CYP2R1: variants seen among roughly 807,000 people sequenced by gnomAD.
CYP2R1 encodes cytochrome P450 family 2 subfamily R member 1.
A neutral mutation model predicts 45.7 loss-of-function variants in CYP2R1; 40 were observed. That is an observed-to-expected ratio of 0.87 (90% confidence interval 0.68 to 1.14). The LOEUF (loss-of-function observed/expected upper bound fraction) is 1.14. Among genes scored for constraint, CYP2R1 ranks in the 50% most tolerant of loss-of-function variants. The probability of loss-of-function intolerance (pLI) is 0.00; values close to 1 mark genes in which losing one functional copy is unlikely to be tolerated. For missense variants in CYP2R1, 605 were observed against 602.6 expected, an observed-to-expected ratio of 1.00 and a Z score of -0.04; for synonymous variants, 234 against 219.3, an observed-to-expected ratio of 1.07 and a Z score of -0.59.
chr11:14,891,128 C>T, intron 1 of CYP2R1: 1 of 985,454 alleles, frequency 1.0e-6, no homozygotes, highest in Non-Finnish European at 1.2e-6. Context: ...AAACTCCTGC[C>T]CCCTCCGGAC....
At chr11:14,881,076 A>G (rs1848366285) in intron 2 of CYP2R1, among the ~76,000 whole-genome samples, 1 of 152,124 alleles carries the variant, frequency 6.6e-6, no homozygotes, top group Admixed American at 6.5e-5. Flanking sequence ...AACTTTTACT[A>G]TAAGCCTAAT....
chr11:14,890,599 T>G (rs1007304913), intron 1 of CYP2R1: 1 of 215,816 alleles, frequency 4.6e-6, no homozygotes, highest in Non-Finnish European at 6.8e-6. Flanking sequence ...CAGGCTGGAG[T>G]GCAGTGGCGC....
chr11:14,887,467 G>T (rs1848664846), intron 1 of CYP2R1: 1 of 451,008 alleles, frequency 2.2e-6, no homozygotes, highest in Non-Finnish European at 2.9e-6. Flanking sequence ...AAAGGTGTGT[G>T]ACTCAAATTG....
chr11:14,890,967 G>A (rs1000661350), intron 1 of CYP2R1: 4 of 985,258 alleles, frequency 4.1e-6, no homozygotes, highest in Non-Finnish European at 1.2e-6. Flanking sequence ...GCCTGTGGCC[G>A]ATAATGAGAT....
intron 1 of CYP2R1, among the ~76,000 whole-genome samples, chr11:14,889,165 T>TTG (rs68142667): frequency 4.3e-4 from 23 of 53,474 alleles, no homozygotes; most frequent in Non-Finnish European, 8.1e-4. Context: ...AGTCCAGTTG[T>TTG]TTTTTTTTTT....
chr11:14,891,152 C>T lies in CYP2R1; in HGVS notation c.225+829G>A, dbSNP rs911375317. The stretch of plus-strand genomic sequence containing the variant: ...CCCCCTCCGGACGTCGGGACACCCA[C>T]ACACAAGCGGTGGTCGCCTTTTCCG... On this transcript the variant is annotated intron_variant, in intron 1 of 4. Transcript: ENST00000334636. The T allele has an allele frequency of 7.1e-6, 7 of 985,388 alleles. No homozygotes were observed. The African/African-American group carries it at 1.0e-4, about 15-fold the overall frequency. 61.0% of individuals were successfully genotyped at this position (985,388 alleles called of 1,614,324 possible). A position where few individuals can be genotyped will look rare whatever the true frequency, so the allele number is the denominator to read the frequency against.
intron 2 of CYP2R1, among the ~76,000 whole-genome samples, chr11:14,881,045 G>A (rs1459907144): frequency 6.6e-6 from 1 of 152,018 alleles, no homozygotes; most frequent in Non-Finnish European, 1.5e-5. Flanking sequence ...GGTGAAATAG[G>A]CCCAGGTGAC....
At chr11:14,886,041 G>A in intron 1 of CYP2R1, 124 bp from the exon 2 acceptor site, 1 of 900,204 alleles carries the variant, frequency 1.1e-6, no homozygotes, top group East Asian at 2.6e-5. Context: ...AATATAGGCA[G>A]TTATTACTCA....
chr11:14,879,037 T>C, intron 4 of CYP2R1, 77 bp downstream of exon 4: 1 of 1,176,146 alleles, frequency 8.5e-7, no homozygotes, highest in Non-Finnish European at 1.3e-6. Flanking sequence ...AGAAGGATGC[T>C]TCAGATTAAG....
At chr11:14,883,331 C>G (rs1355337207) in intron 2 of CYP2R1, among the ~76,000 whole-genome samples, 4 of 152,040 alleles carry the variant, frequency 2.6e-5, no homozygotes, top group African/African-American at 9.7e-5. Flanking sequence ...GGTACCAAAA[C>G]AGAGATATAG....
intron 1 of CYP2R1, chr11:14,891,217 G>C: frequency 2.0e-6 from 2 of 984,216 alleles, no homozygotes; most frequent in Non-Finnish European, 2.4e-6. Context: ...TTTCCCCTCC[G>C]CAGAATGAGG....
At chr11:14,887,301 CAT>C (rs1291970336) in intron 1 of CYP2R1, 2 of 152,178 alleles carry the variant, frequency 1.3e-5, no homozygotes, top group Non-Finnish European at 2.9e-5. Flanking sequence ...CACCAGGGAT[CAT>C]AAAAAGCAAG....
intron 1 of CYP2R1, chr11:14,887,579 T>G: frequency 2.0e-6 from 2 of 984,698 alleles, no homozygotes; most frequent in Non-Finnish European, 2.4e-6. Flanking sequence ...TATGGGCTAA[T>G]TATAATGCTG....
chr11:14,891,781 G>T lies in CYP2R1; in HGVS notation c.225+200C>A, dbSNP rs565862304. The T allele has an allele frequency of 7.4e-4, 1,029 of 1,397,600 alleles. 8 individuals are homozygous for T. The highest frequency in any genetic ancestry group is 1.1e-3 in the Middle Eastern group (4 of 3,760). 86.6% of individuals were successfully genotyped at this position (1,397,600 alleles called of 1,614,324 possible). A position where few individuals can be genotyped will look rare whatever the true frequency, so the allele number is the denominator to read the frequency against. On this transcript the variant is annotated intron_variant, in intron 1 of 4. Transcript: ENST00000334636. ...CGGAGTGGGTCACCGGCAGGGGCGG[G>T]GCTCCCCCTGCAAGGGGGCACGGCG...
chr11:14,891,182 C>G, intron 1 of CYP2R1: 1 of 985,364 alleles, frequency 1.0e-6, no homozygotes, highest in Non-Finnish European at 1.2e-6. Flanking sequence ...TTTCCGCTGC[C>G]AGTCACAGGG....
In CYP2R1 at chr11:14,880,540, C is replaced by A. The variant is rs1373362467; in HGVS notation, c.596G>T (p.Arg199Leu). The A allele has an allele frequency of 6.2e-7, 1 of 1,613,434 alleles. No individual in the cohort carries two copies. Among genetic ancestry groups the A allele is most frequent in the Non-Finnish European group, 8.5e-7 (1 of 1,179,668 alleles). Residue 199 changes from arginine to leucine, a missense_variant, in exon 3 of 5, where the codon CGA (arginine) becomes CTA (leucine). Physicochemically the swap from Arg to Leu is moderately radical, Grantham distance 102 (BLOSUM62 -2). Coordinates refer to ENST00000334636, the MANE Select transcript of CYP2R1 (RefSeq NM_024514.5). Reference protein sequence around the residue: ...NITNLIIFGERFTYEDTDFQH... With the variant: ...NITNLIIFGELFTYEDTDFQH... ...AAAATCGGTGTCTTCATAAGTGAAT[C>A]GTTCTCCAAAAATGATCAGATTGGT...
At position 14,891,962 on chromosome 11, in the gene CYP2R1, G is replaced by A; in HGVS notation, c.225+19C>T. ...CCAGCCTGGCGGCCCTCCCTGCCCG[G>A]GGCCCGTCGGGGCTGTACCTCTCCG... On this transcript the variant is annotated intron_variant, in intron 1 of 4. Transcript: ENST00000334636. The A allele has an allele frequency of 6.2e-7, 1 of 1,610,388 alleles. No homozygotes were observed. The highest frequency in any genetic ancestry group is 8.5e-7 in the Non-Finnish European group (1 of 1,178,648).
upstream of CYP2R1, chr11:14,892,344 A>C (rs879963666): frequency 1.2e-6 from 1 of 804,078 alleles, no homozygotes; most frequent in African/African-American, 1.7e-5. Context: ...GTGAGCGCTC[A>C]GGCCCCTTCG....
At chr11:14,878,702 C>T (rs1848252238) in intron 4 of CYP2R1, among the ~76,000 whole-genome samples, 1 of 152,038 alleles carries the variant, frequency 6.6e-6, no homozygotes, top group Non-Finnish European at 1.5e-5. Context: ...TCTTGTGTAC[C>T]TTTTCACAGA....
Sources: allele counts gnomAD v4.1 joint callset (sites outside exome capture counted in the v4.1 genomes callset), GRCh38; gene constraint gnomAD v4.1.1; transcripts MANE v1.5; gene names NCBI Gene and HGNC (gene_info 2026-07-23, HGNC 2026-07-21).